The following NUDC variants were observed in gnomAD, a reference collection of about 807,000 sequenced individuals.
NUDC encodes the protein nuclear distribution C, dynein complex regulator.
NUDC carries 14 observed loss-of-function variants against 45.0 expected under a neutral mutation model. That is an observed-to-expected ratio of 0.31 (90% CI 0.21 to 0.49). The LOEUF (loss-of-function observed/expected upper bound fraction) is 0.49. NUDC is among the 20% of genes least tolerant of loss of function. The pLI, the probability that NUDC is intolerant of heterozygous loss-of-function variation, is 0.99. For missense variants in NUDC, 323 were observed against 426.2 expected (o/e 0.76, Z 2.13); for synonymous variants, 153 against 156.7 (o/e 0.98, Z 0.17).
chr1:26,924,123 A>G lies in NUDC; in HGVS notation c.116A>G (p.Lys39Arg). ...ACCTTCTTCAGCTTCCTTCGACGCA[A>G]AACAGACTTTTTCATTGGAGGAGAA... ...VNTFFSFLRR[K>R]TDFFIGGEEG... The change falls in exon 2 of 9, where the codon AAA (lysine) becomes AGA (arginine). Residue 39 changes from lysine (K) to arginine (R), a missense_variant. This residue lies in a region of NUDC where 245 missense variants were observed against 278.8 expected (regional missense o/e 0.88). Coordinates refer to ENST00000321265, the MANE Select transcript of NUDC (RefSeq NM_006600.4). The G allele has an allele frequency of 6.2e-7, 1 of 1,614,106 alleles. No individual in the cohort carries two copies. The highest frequency in any genetic ancestry group is 1.7e-5 in the Admixed American group (1 of 60,010).
At chr1:26,918,654 A>G (rs898047039), upstream of NUDC, among the ~76,000 whole-genome samples, 1 of 147,754 alleles carries the variant, frequency 6.8e-6, no homozygotes, top group Non-Finnish European at 1.5e-5. Flanking sequence ...GGCTCGCTAC[A>G]ACTTCCACCT....
In NUDC at chr1:26,904,048, TAATA is replaced by T. The variant is rs1012765775; in HGVS notation, c.-16+1697_-16+1700del. Among the ~76,000 whole-genome samples the T allele has an allele frequency of 4.2e-5, 6 of 143,398 alleles. 1 individual carries two copies. Among genetic ancestry groups the T allele is most frequent in the African/African-American group, 1.3e-4 (5 of 39,696 alleles). 94.1% of individuals were successfully genotyped at this position (143,398 alleles called of 152,430 possible). A position where few individuals can be genotyped will look rare whatever the true frequency, so the allele number is the denominator to read the frequency against. ...TAAATAAATAAATTAAATAAATAAATAATAAATAAATAAATAAAAATACAAAAAT... is the reference window on the plus strand; with the variant it reads ...TAAATAAATAAATTAAATAAATAAATAATAAATAAATAAAAATACAAAAAT... On this transcript the variant is annotated intron_variant, in intron 2 of 6. Coordinates refer to the NUDC transcript ENST00000435827.
intron 3 of NUDC, chr1:26,911,757 AG>A (rs1358176367): frequency 7.0e-5 from 107 of 1,532,580 alleles, no homozygotes; most frequent in Non-Finnish European, 3.0e-5. Flanking sequence ...TGCCCCCTCC[AG>A]GAGCATTGGG....
intron 2 of NUDC, among the ~76,000 whole-genome samples, chr1:26,931,422 G>T (rs751674987): frequency 8.4e-6 from 1 of 118,834 alleles, no homozygotes; most frequent in Non-Finnish European, 1.6e-5. Flanking sequence ...TCGCTTTTTC[G>T]CCCAGGTTGG....
chr1:26,937,563 A>G (rs959501887), intron 2 of NUDC, among the ~76,000 whole-genome samples: 5 of 151,566 alleles, frequency 3.3e-5, no homozygotes, highest in Admixed American at 6.6e-5. Flanking sequence ...GATTACCGGT[A>G]TGAGCCACTG....
intron 2 of NUDC, among the ~76,000 whole-genome samples, chr1:26,926,079 C>T (rs900818722): frequency 4.0e-5 from 6 of 151,082 alleles, no homozygotes; most frequent in African/African-American, 1.2e-4. Context: ...TGCAATGGTG[C>T]GATCTTGGCT....
At chr1:26,920,037 G>C (rs993043864), upstream of NUDC, among the ~76,000 whole-genome samples, 3 of 152,128 alleles carry the variant, frequency 2.0e-5, no homozygotes, top group Non-Finnish European at 4.4e-5. Context: ...GTCTGAAGTG[G>C]GGAACACGCA....
At chr1:26,942,531 T>C in intron 4 of NUDC, 129 bp from the exon 5 acceptor site, 6 of 1,330,494 alleles carry the variant, frequency 4.5e-6, no homozygotes, top group Non-Finnish European at 6.4e-6. Context: ...CTCTGTGGAG[T>C]GGGCAGGGAC....
chr1:26,945,749 A>G, intron 8 of NUDC, 63 bp downstream of exon 8: 3 of 1,145,070 alleles, frequency 2.6e-6, no homozygotes, highest in Non-Finnish European at 4.0e-6. Context: ...CTTCGGTGAC[A>G]GCAGTGAGTG....
chr1:26,930,354 G>A lies in NUDC; in HGVS notation c.159+6188G>A, dbSNP rs547597821. Among the ~76,000 whole-genome samples the A allele has an allele frequency of 2.6e-5, 4 of 152,268 alleles. No homozygotes were observed. In the South Asian group the frequency reaches 8.3e-4, roughly 32 times the overall value. The stretch of plus-strand genomic sequence containing the variant: ...CCAGCTAATTTTTGTATTTTTTGTA[G>A]AGTGGGGGTTTCACCATCTTGCCCA... On this transcript the variant is annotated intron_variant, in intron 2 of 8. Coordinates refer to ENST00000321265, the MANE Select transcript of NUDC (RefSeq NM_006600.4).
At chr1:26,914,987 GTA>G (rs2082054015) in intron 3 of NUDC, among the ~76,000 whole-genome samples, 1 of 87,204 alleles carries the variant, frequency 1.1e-5, no homozygotes, top group African/African-American at 3.3e-5. Context: ...ATATGTATAT[GTA>G]TATGTATATG....
At chr1:26,925,511 A>AGCC (rs1199486550) in intron 2 of NUDC, among the ~76,000 whole-genome samples, 5 of 138,060 alleles carry the variant, frequency 3.6e-5, no homozygotes, top group African/African-American at 1.4e-4. Context: ...ATTGCACTCC[A>AGCC]GCCTGGGCAA....
At chr1:26,921,983 G>A (rs2082095302) in intron 1 of NUDC, 54 bp downstream of exon 1, 1 of 1,515,058 alleles carries the variant, frequency 6.6e-7, no homozygotes, top group Non-Finnish European at 8.9e-7. Flanking sequence ...CGCTCCTTCC[G>A]CCCTTCTCTG....
intron 3 of NUDC, among the ~76,000 whole-genome samples, chr1:26,916,208 G>T (rs945595465): frequency 6.6e-6 from 1 of 151,780 alleles, no homozygotes; most frequent in African/African-American, 2.4e-5. Context: ...GGTCAACACA[G>T]TGAGACCTCA....
chr1:26,923,464 G>C (rs924396777), intron 1 of NUDC, among the ~76,000 whole-genome samples: 1 of 151,988 alleles, frequency 6.6e-6, no homozygotes, highest in Non-Finnish European at 1.5e-5. Context: ...GCTTTGACCC[G>C]GTAACTTAGC....
intron 1 of NUDC, chr1:26,900,460 TCAGCTAGAACC>T: frequency 1.2e-6 from 2 of 1,601,294 alleles, no homozygotes; most frequent in African/African-American, 2.7e-5. Context: ...TGTCACATGA[TCAGCTAGAACC>T]AAGTCTCGCG....
At chr1:26,915,010 T>C (rs1208555599) in intron 3 of NUDC, among the ~76,000 whole-genome samples, 2 of 147,450 alleles carry the variant, frequency 1.4e-5, no homozygotes, top group Non-Finnish European at 3.0e-5. Flanking sequence ...TATATGTATA[T>C]GTATATTTAT....
At chr1:26,941,879 T>G in intron 4 of NUDC, 61 bp downstream of exon 4, 16 of 1,501,150 alleles carry the variant, frequency 1.1e-5, no homozygotes, top group Non-Finnish European at 1.5e-5. Flanking sequence ...GGAAATCTCC[T>G]GCCTACTGCT....
chr1:26,901,320 G>A (rs1039925388), intron 1 of NUDC, among the ~76,000 whole-genome samples: 2 of 151,624 alleles, frequency 1.3e-5, no homozygotes, highest in African/African-American at 4.9e-5. Context: ...TGAACTCCAG[G>A]GCTCAAGTGA....
Sources: allele counts gnomAD v4.1 joint callset (sites outside exome capture counted in the v4.1 genomes callset), GRCh38; gene constraint gnomAD v4.1.1; regional missense constraint gnomAD v4.1.1; transcripts MANE v1.5; gene names NCBI Gene and HGNC (gene_info 2026-07-23, HGNC 2026-07-21).